The following WWOX variants were observed in gnomAD, a reference collection of about 807,000 sequenced individuals.
WWOX encodes WW domain containing oxidoreductase.
In WWOX, 69 loss-of-function variants were observed where a neutral mutation model predicts 46.2. The observed-to-expected ratio is 1.49, with a 90% CI of 1.23 to 1.82. The LOEUF is 1.82. Ranked by LOEUF, WWOX falls within the 40% of genes most tolerant of loss-of-function variation. The probability of loss-of-function intolerance (pLI) is 0.00; values close to 1 mark genes in which losing one functional copy is unlikely to be tolerated. For synonymous variants in WWOX, 359 were observed against 202.6 expected (o/e 1.77, Z -6.56); for missense variants, 919 against 542.6 (o/e 1.69, Z -6.89).
chr16:78,118,818 G>C (rs977359853), intron 4 of WWOX: 2 of 152,190 alleles, frequency 1.3e-5, no homozygotes, highest in African/African-American at 4.8e-5. Context: ...GCCCCAGGAA[G>C]ACTGTGGCAG....
chr16:79,163,283 G>A (rs2050522785), intron 8 of WWOX, among the ~76,000 whole-genome samples: 1 of 152,154 alleles, frequency 6.6e-6, no homozygotes, highest in African/African-American at 2.4e-5. Flanking sequence ...TAGCAGGGTG[G>A]TTAAACATCC....
intron 8 of WWOX, among the ~76,000 whole-genome samples, chr16:79,000,212 A>T (rs981591127): frequency 1.3e-5 from 2 of 152,160 alleles, no homozygotes; most frequent in African/African-American, 4.8e-5. Flanking sequence ...CGTCATTGGC[A>T]GCTCATCTCA....
In WWOX at chr16:78,763,884, A is replaced by G. The variant is rs75702960; in HGVS notation, c.1056+331132A>G. On this transcript the variant is annotated intron_variant, in intron 8 of 8. Transcript: ENST00000566780. The stretch of plus-strand genomic sequence containing the variant: ...AGAGTTTTTGGGGAGTCTGTATGCA[A>G]TTGTGTACACCCCAATGCCCCAAAA... 1.4e-3 allele frequency among the ~76,000 whole-genome samples: 209 copies of G among 152,206 alleles called. 1 individual carries two copies. The highest frequency in any genetic ancestry group is 0.011 in the East Asian group (57 of 5,158).
chr16:78,495,100 C>G (rs1162539682), intron 8 of WWOX, among the ~76,000 whole-genome samples: 3 of 146,088 alleles, frequency 2.1e-5, no homozygotes, highest in Non-Finnish European at 4.5e-5. Context: ...CATCTGTGTG[C>G]TTATAAGAAA....
chr16:78,760,932 G>A (rs914888566), intron 8 of WWOX, among the ~76,000 whole-genome samples: 1 of 152,168 alleles, frequency 6.6e-6, no homozygotes, highest in African/African-American at 2.4e-5. Context: ...ACAGAAGAGA[G>A]CTTGTGCAGG....
intron 8 of WWOX, among the ~76,000 whole-genome samples, chr16:78,912,875 A>G (rs2045147918): frequency 6.6e-6 from 1 of 151,968 alleles, no homozygotes; most frequent in Non-Finnish European, 1.5e-5. Context: ...CGTATCTTTA[A>G]AACACCATCA....
chr16:78,776,910 C>A (rs1386536054), intron 8 of WWOX, among the ~76,000 whole-genome samples: 1 of 152,270 alleles, frequency 6.6e-6, no homozygotes, highest in South Asian at 2.1e-4. Context: ...CCTACCAGGT[C>A]TCTCCCCTAA....
intron 8 of WWOX, among the ~76,000 whole-genome samples, chr16:79,063,732 C>T (rs895347383): frequency 6.6e-6 from 1 of 151,884 alleles, no homozygotes; most frequent in African/African-American, 2.4e-5. Context: ...TCTTCAAGAA[C>T]CAGAAGAAAA....
At chr16:78,276,775 G>A (rs761790498) in intron 5 of WWOX, among the ~76,000 whole-genome samples, 47 of 152,136 alleles carry the variant, frequency 3.1e-4, no homozygotes, top group Non-Finnish European at 2.2e-4. Context: ...GTGAGGGACG[G>A]GGGCTAGGAT....
intron 8 of WWOX, among the ~76,000 whole-genome samples, chr16:78,476,011 C>G (rs1282271100): frequency 6.6e-6 from 1 of 152,138 alleles, no homozygotes; most frequent in Non-Finnish European, 1.5e-5. Flanking sequence ...CTCCGCCACC[C>G]CAACTCCTTA....
In WWOX at chr16:78,533,817, G is replaced by C. The variant is rs946118218; in HGVS notation, c.1056+101065G>C. On this transcript the variant is annotated intron_variant, in intron 8 of 8. Transcript: ENST00000566780. ...GCGTCCTCAGAACTCGCTGGTTCTC[G>C]TCCTCGCCCTCAGCATACTTGCTCA... 3.9e-5 allele frequency among the ~76,000 whole-genome samples: 6 copies of C among 152,254 alleles called. No homozygotes were observed. In the East Asian group the frequency reaches 1.2e-3, roughly 29 times the overall value.
intron 8 of WWOX, among the ~76,000 whole-genome samples, chr16:78,668,175 G>C (rs145205608): frequency 0.018 from 2,773 of 152,268 alleles, 39 homozygotes; most frequent in Non-Finnish European, 0.025. Flanking sequence ...AGCTACTCGG[G>C]AGGCTGGGAC....
chr16:78,877,193 C>A (rs73579376), intron 8 of WWOX, among the ~76,000 whole-genome samples: 1 of 152,176 alleles, frequency 6.6e-6, no homozygotes, highest in Non-Finnish European at 1.5e-5. Flanking sequence ...TTTCATCCAT[C>A]TAAGACTTTA....
intron 8 of WWOX, among the ~76,000 whole-genome samples, chr16:78,460,309 G>C (rs1010914533): frequency 2.0e-5 from 3 of 152,052 alleles, no homozygotes. Flanking sequence ...TCTATTTTTA[G>C]TAGAGGCGGA....
chr16:79,077,195 C>G (rs937335987), intron 8 of WWOX, among the ~76,000 whole-genome samples: 17 of 152,184 alleles, frequency 1.1e-4, no homozygotes, highest in African/African-American at 4.1e-4. Context: ...TGACACCAAT[C>G]AGGAGCTTAA....
chr16:78,528,187 T>TTG (rs1555555262), intron 8 of WWOX, among the ~76,000 whole-genome samples: 51 of 131,610 alleles, frequency 3.9e-4, no homozygotes, highest in African/African-American at 1.5e-3. Flanking sequence ...TTTTTTTTTT[T>TTG]GCATTTTTAG....
chr16:78,740,321 G>T (rs1290923360), intron 8 of WWOX, among the ~76,000 whole-genome samples: 2 of 152,182 alleles, frequency 1.3e-5, no homozygotes. Context: ...CCGTCGGGGG[G>T]CTCCTGAGAG....
chr16:78,587,216 T>TTG (rs2045230607), intron 8 of WWOX, among the ~76,000 whole-genome samples: 17 of 134,980 alleles, frequency 1.3e-4, no homozygotes, highest in African/African-American at 5.2e-4. Context: ...TTTTTTTTTT[T>TTG]GTAGAAACAG....
At position 78,350,355 on chromosome 16, in the gene WWOX, G is replaced by T. The variant is rs185094999; in HGVS notation, c.517-36505G>T. ...CAATTCAGTGCTTTCAGTATATTCA[G>T]AGAGTTTTGCAGCTGTCACCACAGT... On this transcript the variant is annotated intron_variant, in intron 5 of 8. Transcript: ENST00000566780. 7.1e-4 allele frequency among the ~76,000 whole-genome samples: 86 copies of T among 121,454 alleles called. 17 individuals are homozygous for T. Among genetic ancestry groups the T allele is most frequent in the African/African-American group, 2.3e-3 (84 of 35,880 alleles). 79.7% of individuals were successfully genotyped at this position (121,454 alleles called of 152,430 possible).
Sources: gnomAD v4.1 joint callset for allele counts (sites outside exome capture counted in the v4.1 genomes callset) on GRCh38, gnomAD v4.1.1 for gene constraint, MANE v1.5 for transcripts, NCBI Gene and HGNC (gene_info 2026-07-23, HGNC 2026-07-21) for gene names.